The following CCKBR variants were observed in gnomAD, a reference collection of about 807,000 sequenced individuals.
CCKBR encodes the protein gastrin/cholecystokinin type B receptor.
Under a neutral mutation model 34.6 loss-of-function variants are expected in CCKBR, and 33 were observed. The ratio of observed to expected loss-of-function variants is 0.95; its 90% confidence interval spans 0.72 to 1.27. The LOEUF is 1.27. Ranked by LOEUF, CCKBR falls within the 50% of genes most tolerant of loss-of-function variation. The pLI is 0.00. For synonymous variants in CCKBR, 269 were observed against 267.5 expected, an observed-to-expected ratio of 1.01 and a Z score of -0.06; for missense variants, 652 against 617.4, an observed-to-expected ratio of 1.06 and a Z score of -0.59.
rs1395931359 is a variant in CCKBR at position 6,270,705 on chromosome 11, A to C, written c.713A>C (p.Tyr238Ser). The C allele has an allele frequency of 1.2e-6, 2 of 1,613,970 alleles. No homozygotes were observed. Among genetic ancestry groups the C allele is most frequent in the Non-Finnish European group, 1.7e-6 (2 of 1,179,972 alleles). ...FIPGVVMAVAYGLISRELYLG... is the reference protein window; with the variant it reads ...FIPGVVMAVASGLISRELYLG... The stretch of plus-strand genomic sequence containing the variant: ...CCGGGTGTGGTTATGGCCGTGGCCT[A>C]CGGGCTTATCTCTCGCGAGCTCTAC... The change falls in exon 4 of 5, where the codon TAC becomes TCC. Residue 238 changes from tyrosine (Y) to serine (S), a missense_variant. Coordinates refer to ENST00000334619, the MANE Select transcript of CCKBR (RefSeq NM_176875.4).
chr11:6,270,098 G>T lies in CCKBR; in HGVS notation c.414G>T (p.Val138=). 1 of 1,606,130 alleles carries T rather than the reference G, an allele frequency of 6.2e-7. No homozygotes were observed. The highest frequency in any genetic ancestry group is 8.5e-7 in the Non-Finnish European group (1 of 1,174,212). The change falls in exon 3 of 5, where the codon GTG becomes GTT. Residue 138 remains valine (V), a synonymous_variant. Coordinates refer to ENST00000334619, the MANE Select transcript of CCKBR (RefSeq NM_176875.4). ...TCTTCCCTTGTTTAGGGGTGTCTGT[G>T]AGTGTGTCCACGCTAAGCCTCGTGG... ...KAVSYLMGVS[V]SVSTLSLVAI...
At chr11:6,260,797 G>A (rs866455206) in intron 1 of CCKBR, among the ~76,000 whole-genome samples, 2 of 152,188 alleles carry the variant, frequency 1.3e-5, no homozygotes, top group Non-Finnish European at 2.9e-5. Context: ...TGGGGGCACA[G>A]GGCAAACTAG....
intron 1 of CCKBR, 116 bp downstream of exon 1, chr11:6,260,195 C>G (rs1423041004): frequency 1.4e-6 from 1 of 698,272 alleles, no homozygotes; most frequent in African/African-American, 1.9e-5. Flanking sequence ...CCGTGCCTCT[C>G]ATAGTACTCC....
intron 1 of CCKBR, chr11:6,264,438 G>A: frequency 1.6e-6 from 1 of 624,370 alleles, no homozygotes; most frequent in Non-Finnish European, 2.9e-6. Context: ...CACGTTGTCT[G>A]GATTTTTGCA....
intron 1 of CCKBR, among the ~76,000 whole-genome samples, chr11:6,265,303 G>A (rs552919626): frequency 6.6e-6 from 1 of 152,312 alleles, no homozygotes; most frequent in Admixed American, 6.5e-5. Flanking sequence ...AATTTCAGGA[G>A]TCCCCAAGCA....
Position 6,271,004 on chromosome 11 carries a change from T to C in CCKBR, c.812-7T>C. The stretch of plus-strand genomic sequence containing the variant: ...TTTTTCTCTGACCGCCCACCCTTTG[T>C]GCTCAGGGGCTGTTCACCAGAACGG... On this transcript the variant is annotated splice_region_variant and splice_polypyrimidine_tract_variant and intron_variant, in intron 4 of 4. Coordinates refer to ENST00000334619, the MANE Select transcript of CCKBR (RefSeq NM_176875.4). 1 of 1,614,042 alleles carries C rather than the reference T, an allele frequency of 6.2e-7. No homozygotes were observed. The highest frequency in any genetic ancestry group is 1.1e-5 in the South Asian group (1 of 91,078).
intron 1 of CCKBR, among the ~76,000 whole-genome samples, chr11:6,269,144 TG>T (rs111553383): frequency 0.74 from 106,799 of 144,240 alleles, 40,187 homozygotes; most frequent in East Asian, 0.91. Context: ...AGAGAGTAAG[TG>T]AAGTATTTTT....
Position 6,271,001 on chromosome 11 carries a change from T to C in CCKBR, c.812-10T>C. On this transcript the variant is annotated splice_polypyrimidine_tract_variant and intron_variant, in intron 4 of 4. Transcript: ENST00000334619. ...GCCTTTTTCTCTGACCGCCCACCCTTTGTGCTCAGGGGCTGTTCACCAGAA... is the reference window on the plus strand; with the variant it reads ...GCCTTTTTCTCTGACCGCCCACCCTCTGTGCTCAGGGGCTGTTCACCAGAA... 6.2e-7 allele frequency: 1 copy of C among 1,613,900 alleles called. No individual in the cohort carries two copies. Among genetic ancestry groups the C allele is most frequent in the Non-Finnish European group, 8.5e-7 (1 of 1,179,836 alleles).
At chr11:6,264,509 AG>A (rs1346412903) in intron 1 of CCKBR, 1 of 698,392 alleles carries the variant, frequency 1.4e-6, no homozygotes, top group African/African-American at 1.7e-5. Flanking sequence ...CACCAGGAGA[AG>A]AACTGAACTG....
At chr11:6,264,763 G>T in intron 1 of CCKBR, 1 of 460,908 alleles carries the variant, frequency 2.2e-6, no homozygotes. Context: ...GTCTAAGTCT[G>T]ATTTATTTTG....
At chr11:6,265,518 A>G (rs1027919623) in intron 1 of CCKBR, among the ~76,000 whole-genome samples, 1 of 152,208 alleles carries the variant, frequency 6.6e-6, no homozygotes, top group African/African-American at 2.4e-5. Context: ...AGATGTAAGC[A>G]AGATAATGGA....
intron 3 of CCKBR, 144 bp from the exon 4 acceptor site, chr11:6,270,498 TTCTC>T: frequency 2.2e-6 from 3 of 1,337,588 alleles, no homozygotes; most frequent in South Asian, 1.4e-5. Context: ...CCCTCCCCAG[TTCTC>T]TCTCCCTTCC....
intron 1 of CCKBR, among the ~76,000 whole-genome samples, chr11:6,264,903 G>A (rs912151104): frequency 6.6e-5 from 10 of 152,150 alleles, no homozygotes; most frequent in African/African-American, 2.2e-4. Context: ...TTACATTAGT[G>A]TGGTACATGT....
Position 6,270,173 on chromosome 11 carries a change from A to C in CCKBR, c.489A>C (p.Arg163=). 6.2e-7 allele frequency: 1 copy of C among 1,613,934 alleles called. No individual in the cohort carries two copies. Among genetic ancestry groups the C allele is most frequent in the Non-Finnish European group, 8.5e-7 (1 of 1,180,012 alleles). ...CCATCTGCCGACCACTGCAGGCACGAGTGTGGCAGACGCGCTCCCACGCGG... is the reference window on the plus strand; with the variant it reads ...CCATCTGCCGACCACTGCAGGCACGCGTGTGGCAGACGCGCTCCCACGCGG... ...YSAICRPLQA[R]VWQTRSHAAR... The change falls in exon 3 of 5, where the codon CGA becomes CGC. Residue 163 remains arginine (R), a synonymous_variant. Transcript: ENST00000334619.
chr11:6,270,125 C>T lies in CCKBR; in HGVS notation c.441C>T (p.Ala147=). ...SVSVSTLSLV[A]IALERYSAIC... ...GTGTGTCCACGCTAAGCCTCGTGGC[C>T]ATCGCACTGGAGCGGTACAGCGCCA... Residue 147 remains alanine, a synonymous_variant, in exon 3 of 5, where the codon GCC becomes GCT. Coordinates refer to ENST00000334619, the MANE Select transcript of CCKBR (RefSeq NM_176875.4). The T allele has an allele frequency of 1.2e-6, 2 of 1,611,248 alleles. No homozygotes were observed. Among genetic ancestry groups the T allele is most frequent in the Non-Finnish European group, 1.7e-6 (2 of 1,177,882 alleles).
intron 1 of CCKBR, among the ~76,000 whole-genome samples, chr11:6,262,709 AG>A (rs765394883): frequency 0.019 from 2,768 of 147,994 alleles, 37 homozygotes; most frequent in Non-Finnish European, 0.028. Flanking sequence ...AGAGAGAGAG[AG>A]AGAGAGAGAG....
rs1848308911 is a variant in CCKBR, at chr11:6,271,308, C to T, written c.1109C>T (p.Ala370Val). The change falls in exon 5 of 5, where the codon GCT (alanine) becomes GTT (valine). Residue 370 changes from alanine to valine, a missense_variant. Transcript: ENST00000334619. The part of the protein sequence containing the change: ...GPGAHRALSG[A>V]PISFIHLLSY... Reference sequence around the variant, plus strand: ...GGTGCACACCGAGCACTCTCGGGTGCTCCTATCTCCTTCATTCACTTGCTG... The same window carrying T: ...GGTGCACACCGAGCACTCTCGGGTGTTCCTATCTCCTTCATTCACTTGCTG... 1 of 1,614,192 alleles carries T rather than the reference C, an allele frequency of 6.2e-7. No homozygotes were observed. The highest frequency in any genetic ancestry group is 8.5e-7 in the Non-Finnish European group (1 of 1,180,014).
chr11:6,270,453 TC>T, intron 3 of CCKBR, 116 bp downstream of exon 3: 1 of 1,440,836 alleles, frequency 6.9e-7, no homozygotes, highest in Non-Finnish European at 9.4e-7. Context: ...CAACTCCTAT[TC>T]TGCATCCACC....
intron 1 of CCKBR, 72 bp downstream of exon 1, chr11:6,260,151 A>C: frequency 8.9e-7 from 1 of 1,125,508 alleles, no homozygotes; most frequent in Non-Finnish European, 1.2e-6. Context: ...GAGTCCCCCC[A>C]ACGAGCTCCA....
Sources: allele counts gnomAD v4.1 joint callset (sites outside exome capture counted in the v4.1 genomes callset), GRCh38; gene constraint gnomAD v4.1.1; transcripts MANE v1.5; gene names NCBI Gene and HGNC (gene_info 2026-07-23, HGNC 2026-07-21).